Variants in SGCZ observed in about 807,000 individuals in gnomAD.
SGCZ encodes the protein sarcoglycan zeta, also known as zeta-sarcoglycan.
SGCZ carries 40 observed loss-of-function variants against 41.3 expected under a neutral mutation model. That is an observed-to-expected ratio of 0.97 (90% confidence interval 0.75 to 1.26). The LOEUF (loss-of-function observed/expected upper bound fraction) is 1.26, where lower values mean the gene tolerates loss of function less well. Ranked by LOEUF, SGCZ falls within the 50% of genes most tolerant of loss-of-function variation. SGCZ has a pLI of 0.00. For missense variants in SGCZ, 552 were observed against 369.8 expected, an observed-to-expected ratio of 1.49 and a Z score of -4.04; for synonymous variants, 206 against 137.5, an observed-to-expected ratio of 1.50 and a Z score of -3.49.
intron 1 of SGCZ, among the ~76,000 whole-genome samples, chr8:15,001,424 G>C (rs1329663098): frequency 6.6e-6 from 1 of 152,104 alleles, no homozygotes; most frequent in Non-Finnish European, 1.5e-5. Flanking sequence ...GTGCATTCTA[G>C]GGTGAATTAA....
In SGCZ at chr8:14,406,238, G is replaced by C. The variant is rs75212048; in HGVS notation, c.235-82034C>G. On this transcript the variant is annotated intron_variant, in intron 2 of 7. Transcript: ENST00000382080. The stretch of plus-strand genomic sequence containing the variant: ...AAGACTGGTTCCATCTTCCGATGTC[G>C]GGCTCAGTTCTCATCTCACAGAGGC... Among the ~76,000 whole-genome samples, 29 of 152,048 alleles carry C rather than the reference G, an allele frequency of 1.9e-4. No individual in the cohort carries two copies. The East Asian group carries it at 5.6e-3, about 29-fold the overall frequency.
At chr8:14,340,788 TTAAAA>T (rs777396439) in intron 2 of SGCZ, among the ~76,000 whole-genome samples, 4 of 152,192 alleles carry the variant, frequency 2.6e-5, no homozygotes, top group Non-Finnish European at 5.9e-5. Context: ...TAAAATATAC[TTAAAA>T]TAAAATTAAC....
intron 3 of SGCZ, among the ~76,000 whole-genome samples, chr8:14,240,791 C>A (rs536854520): frequency 6.6e-6 from 1 of 152,276 alleles, no homozygotes; most frequent in East Asian, 1.9e-4. Context: ...AATACCATAT[C>A]TTTGTGGATT....
chr8:14,310,838 G>A (rs1024892863), intron 3 of SGCZ, among the ~76,000 whole-genome samples: 7 of 152,110 alleles, frequency 4.6e-5, no homozygotes, highest in South Asian at 4.1e-4. Flanking sequence ...TAGAAAATTC[G>A]GAAAAACCAG....
At chr8:15,084,549 G>A (rs1406616953) in intron 1 of SGCZ, among the ~76,000 whole-genome samples, 2 of 152,084 alleles carry the variant, frequency 1.3e-5, no homozygotes, top group Non-Finnish European at 1.5e-5. Context: ...TCAAGAGTTC[G>A]AGACCAGCCT....
intron 2 of SGCZ, among the ~76,000 whole-genome samples, chr8:14,405,113 T>A (rs1799175782): frequency 6.6e-6 from 1 of 152,178 alleles, no homozygotes; most frequent in Non-Finnish European, 1.5e-5. Flanking sequence ...AGACTCAAAT[T>A]TGGTAAGGGC....
chr8:14,470,966 G>A (rs563491836), intron 2 of SGCZ, among the ~76,000 whole-genome samples: 3 of 152,202 alleles, frequency 2.0e-5, no homozygotes, highest in African/African-American at 4.8e-5. Context: ...CACTTCATCA[G>A]TACCAGTAAG....
At chr8:15,211,975 G>C (rs1403082532) in intron 1 of SGCZ, among the ~76,000 whole-genome samples, 1 of 152,124 alleles carries the variant, frequency 6.6e-6, no homozygotes, top group Non-Finnish European at 1.5e-5. Context: ...GACTGATTAA[G>C]AAAGGGAACA....
chr8:14,325,815 G>C (rs1181380173), intron 2 of SGCZ, among the ~76,000 whole-genome samples: 3 of 141,218 alleles, frequency 2.1e-5, no homozygotes, highest in African/African-American at 5.2e-5. Flanking sequence ...TCCACAGAAA[G>C]GGATGAGGAC....
chr8:14,838,236 G>C (rs4596659), intron 1 of SGCZ, among the ~76,000 whole-genome samples: 2 of 151,776 alleles, frequency 1.3e-5, no homozygotes, highest in African/African-American at 2.4e-5. Context: ...ATGAATAGGG[G>C]CTAGTGTTCA....
At chr8:15,120,090 C>T (rs974798180) in intron 1 of SGCZ, among the ~76,000 whole-genome samples, 1 of 152,238 alleles carries the variant, frequency 6.6e-6, no homozygotes, top group African/African-American at 2.4e-5. Context: ...AAGTGACCCT[C>T]CCACCTCGGC....
chr8:14,441,899 T>C (rs1800282049), intron 2 of SGCZ, among the ~76,000 whole-genome samples: 1 of 152,176 alleles, frequency 6.6e-6, no homozygotes, highest in Admixed American at 6.6e-5. Flanking sequence ...GAGAAAAATG[T>C]TTTTCCAGTA....
rs115721327 is a variant in SGCZ at position 14,634,885 on chromosome 8, T to C, written c.40-79959A>G. Among the ~76,000 whole-genome samples, 1,340 of 151,992 alleles carry C rather than the reference T, an allele frequency of 8.8e-3. 19 individuals carry two copies. The highest frequency in any genetic ancestry group is 0.031 in the African/African-American group (1,271 of 41,548). ...TTTTGAGAGTTATGTATAGAGACCA[T>C]CCAAGTATCATAATTTTATTAAAAA... On this transcript the variant is annotated intron_variant, in intron 1 of 7. Coordinates refer to ENST00000382080, the MANE Select transcript of SGCZ (RefSeq NM_139167.4).
rs1048182712 is a variant in SGCZ, at chr8:14,085,191, G to A, written c.*5252C>T. 2.0e-5 allele frequency among the ~76,000 whole-genome samples: 3 copies of A among 151,698 alleles called. No homozygotes were observed. Among genetic ancestry groups the A allele is most frequent in the Non-Finnish European group, 4.4e-5 (3 of 67,786 alleles). ...GATAGAGTACAAAAGCACAGCTTTT[G>A]TAATTTTGGTAATATTGCAATTTTA... On this transcript the variant is annotated 3_prime_UTR_variant, in exon 8 of 8. Coordinates refer to ENST00000382080, the MANE Select transcript of SGCZ (RefSeq NM_139167.4).
chr8:14,595,124 T>G (rs2117295957), intron 1 of SGCZ, among the ~76,000 whole-genome samples: 1 of 152,328 alleles, frequency 6.6e-6, no homozygotes, highest in Admixed American at 6.5e-5. Context: ...TCAATAATGA[T>G]GACAAATGAA....
At chr8:14,702,014 C>G (rs1186308196) in intron 1 of SGCZ, among the ~76,000 whole-genome samples, 6 of 151,946 alleles carry the variant, frequency 3.9e-5, no homozygotes, top group Non-Finnish European at 8.8e-5. Flanking sequence ...TTTACACGCA[C>G]TGGCACTGTC....
chr8:15,005,141 C>T (rs1431011994), intron 1 of SGCZ, among the ~76,000 whole-genome samples: 1 of 151,966 alleles, frequency 6.6e-6, no homozygotes, highest in African/African-American at 2.4e-5. Context: ...ATGGGGAGAT[C>T]CTTCACATTA....
intron 1 of SGCZ, among the ~76,000 whole-genome samples, chr8:15,045,726 T>A (rs935895184): frequency 6.6e-6 from 1 of 152,076 alleles, no homozygotes; most frequent in Non-Finnish European, 1.5e-5. Flanking sequence ...TCATCAGAGT[T>A]GAAGACCCTA....
intron 4 of SGCZ, among the ~76,000 whole-genome samples, chr8:14,175,478 A>G (rs767018508): frequency 7.2e-5 from 11 of 152,158 alleles, no homozygotes; most frequent in African/African-American, 2.4e-4. Context: ...ATAAATTTGG[A>G]AAAGAATAAA....
Sources: gnomAD v4.1 joint callset for allele counts (sites outside exome capture counted in the v4.1 genomes callset) on GRCh38, gnomAD v4.1.1 for gene constraint, MANE v1.5 for transcripts, NCBI Gene and HGNC (gene_info 2026-07-23, HGNC 2026-07-21) for gene names.